MYO18B: variants seen among roughly 807,000 people sequenced by gnomAD.
MYO18B encodes the protein unconventional myosin-XVIIIb.
MYO18B carries 204 observed loss-of-function variants against 273.0 expected under a neutral mutation model. The ratio of observed to expected loss-of-function variants is 0.75; its 90% CI spans 0.67 to 0.84. MYO18B has a LOEUF of 0.84. Ranked by LOEUF, MYO18B falls within the 40% of genes least tolerant of loss-of-function variation. MYO18B has a pLI of 0.00. For synonymous variants in MYO18B, 1,330 were observed against 1,305.7 expected (o/e 1.02, Z -0.40); for missense variants, 3,212 against 3,287.6 (o/e 0.98, Z 0.56).
At chr22:25,856,128 C>T (rs989664958) in intron 21 of MYO18B, among the ~76,000 whole-genome samples, 1 of 152,146 alleles carries the variant, frequency 6.6e-6, no homozygotes, top group Non-Finnish European at 1.5e-5. Flanking sequence ...TTTTTTATAG[C>T]AGCTGTACCA....
chr22:25,862,905 C>T (rs1305121949), intron 21 of MYO18B, among the ~76,000 whole-genome samples: 1 of 150,980 alleles, frequency 6.6e-6, no homozygotes, highest in Non-Finnish European at 1.5e-5. Flanking sequence ...TTTTTAAAAT[C>T]TTTGTCTTTC....
rs182649604 is a variant in MYO18B, at chr22:25,941,511, T to A, written c.5518-4626T>A. Reference sequence around the variant, plus strand: ...TGGCCAGTGTTGCGCCACTGAAGGATCTGATCTCTGTCCTTAACATGACTT... The same window carrying A: ...TGGCCAGTGTTGCGCCACTGAAGGAACTGATCTCTGTCCTTAACATGACTT... On this transcript the variant is annotated intron_variant, in intron 34 of 43. Coordinates refer to ENST00000335473, the MANE Select transcript of MYO18B (RefSeq NM_032608.7). Among the ~76,000 whole-genome samples the A allele has an allele frequency of 5.9e-5, 9 of 152,318 alleles. No individual in the cohort carries two copies. In the East Asian group the frequency reaches 1.5e-3, roughly 26 times the overall value.
At chr22:25,757,461 C>T (rs563872279) in intron 1 of MYO18B, among the ~76,000 whole-genome samples, 2 of 152,088 alleles carry the variant, frequency 1.3e-5, no homozygotes, top group South Asian at 4.2e-4. Flanking sequence ...GTGGCACGTG[C>T]CTGTAGTCCC....
chr22:25,991,121 A>T (rs1439325902), intron 39 of MYO18B, among the ~76,000 whole-genome samples: 2 of 152,198 alleles, frequency 1.3e-5, no homozygotes, highest in African/African-American at 4.8e-5. Context: ...CATCAAAGTG[A>T]CACACTGTGA....
intron 10 of MYO18B, among the ~76,000 whole-genome samples, chr22:25,782,999 C>T (rs1011575256): frequency 1.2e-4 from 18 of 152,210 alleles, no homozygotes; most frequent in Admixed American, 1.1e-3. Context: ...GACTTCACCT[C>T]TCTGAGCCTG....
At chr22:25,812,575 G>A (rs1265014006) in intron 12 of MYO18B, among the ~76,000 whole-genome samples, 1 of 152,190 alleles carries the variant, frequency 6.6e-6, no homozygotes, top group Admixed American at 6.5e-5. Context: ...CAGGAGAAGC[G>A]GGAGAGCTGC....
rs575571833 is a variant in MYO18B at position 25,892,832 on chromosome 22, G to A, written c.4543+1420G>A. 5.2e-4 allele frequency among the ~76,000 whole-genome samples: 79 copies of A among 152,316 alleles called. No individual in the cohort carries two copies. In the South Asian group the frequency reaches 0.016, roughly 31 times the overall value. On this transcript the variant is annotated intron_variant, in intron 27 of 43. Coordinates refer to ENST00000335473, the MANE Select transcript of MYO18B (RefSeq NM_032608.7). ...TGTTGGTATAAAATCAGTAGTGTGG[G>A]ACAGTCTCTGGCCTTGGAGGTAATT... is the stretch of plus-strand genomic sequence containing the variant.
chr22:25,962,927 G>T (rs868421605), intron 39 of MYO18B, among the ~76,000 whole-genome samples: 1 of 152,074 alleles, frequency 6.6e-6, no homozygotes, highest in African/African-American at 2.4e-5. Context: ...CAGTTACAGG[G>T]ATATAAACAC....
Position 25,895,099 on chromosome 22 carries a change from C to T in MYO18B, c.4544-57C>T. On this transcript the variant is annotated intron_variant, in intron 27 of 43. Coordinates refer to ENST00000335473, the MANE Select transcript of MYO18B (RefSeq NM_032608.7). ...AGAAAGTGGAGGAGAGCCACTCACA[C>T]TCTTGCCTTACACTCATTTGGCCTC... The T allele has an allele frequency of 3.2e-6, 5 of 1,579,362 alleles. No homozygotes were observed. In the East Asian group the frequency reaches 6.8e-5, roughly 22 times the overall value.
chr22:25,866,023 G>A (rs1409688264), intron 21 of MYO18B, among the ~76,000 whole-genome samples: 1 of 152,108 alleles, frequency 6.6e-6, no homozygotes, highest in Non-Finnish European at 1.5e-5. Context: ...CAGGAGGTTG[G>A]AAGATGGAGC....
rs549081496 is a variant in MYO18B, at chr22:26,013,327, G to A, written c.6470+8472G>A. 7.9e-5 allele frequency among the ~76,000 whole-genome samples: 12 copies of A among 152,244 alleles called. No homozygotes were observed. The South Asian group carries it at 2.3e-3, about 29-fold the overall frequency. Reference sequence around the variant, plus strand: ...GCTGCCAAATGTCTTACAATGCACAGGACAGGCCACATAGAATTATCGGGT... The same window carrying A: ...GCTGCCAAATGTCTTACAATGCACAAGACAGGCCACATAGAATTATCGGGT... On this transcript the variant is annotated intron_variant, in intron 42 of 43. Transcript: ENST00000335473.
chr22:25,768,943 A>G lies in MYO18B; in HGVS notation c.1027A>G (p.Ser343Gly). ...GAAGGACAAAGAAGGGGTGCTCTTA[A>G]GTAAGGCAGAGAAGACAGGTGAGCC... The part of the protein sequence containing the change: ...NKKDKEGVLL[S>G]KAEKTGEPQT... Residue 343 changes from serine to glycine, a missense_variant, in exon 4 of 44, where the codon AGT becomes GGT. Ser to Gly is a moderately conservative substitution (Grantham distance 56). Transcript: ENST00000335473. 12 of 1,612,106 alleles carry G rather than the reference A, an allele frequency of 7.4e-6. No homozygotes were observed. Among genetic ancestry groups the G allele is most frequent in the Non-Finnish European group, 1.0e-5 (12 of 1,179,094 alleles).
the MYO18B span, among the ~76,000 whole-genome samples, chr22:26,043,385 T>C: frequency 1.8e-4 from 28 of 152,348 alleles, no homozygotes; most frequent in South Asian, 2.3e-3. Context: ...AGGCTTTTTA[T>C]GGACATTCGT....
chr22:25,780,226 G>C (rs1287930635), intron 9 of MYO18B, 28 bp downstream of exon 9: 5 of 1,583,902 alleles, frequency 3.2e-6, no homozygotes, highest in Non-Finnish European at 4.3e-6. Context: ...ATGTGCAAGG[G>C]GGCCCTTGGG....
intron 11 of MYO18B, among the ~76,000 whole-genome samples, chr22:25,790,664 A>G (rs757293188): frequency 3.9e-5 from 6 of 152,240 alleles, no homozygotes; most frequent in Non-Finnish European, 8.8e-5. Context: ...ACTCACCACC[A>G]CTTAACTAAA....
chr22:25,940,598 C>T (rs2146550764), intron 34 of MYO18B, among the ~76,000 whole-genome samples: 1 of 152,324 alleles, frequency 6.6e-6, no homozygotes, highest in East Asian at 1.9e-4. Context: ...GGGTCTGCTC[C>T]TAACCACCAC....
intron 12 of MYO18B, among the ~76,000 whole-genome samples, chr22:25,822,710 C>T (rs5761258): frequency 0.058 from 8,865 of 152,268 alleles, 586 homozygotes; most frequent in East Asian, 0.2. Context: ...GGCAGACTTG[C>T]GTCTTAAGAG....
intron 12 of MYO18B, among the ~76,000 whole-genome samples, chr22:25,812,499 G>C (rs1369068685): frequency 6.6e-6 from 1 of 152,194 alleles, no homozygotes; most frequent in Non-Finnish European, 1.5e-5. Context: ...CTGGGACCCA[G>C]CTGGCTGGGA....
At chr22:25,834,096 G>T (rs1240304319) in intron 16 of MYO18B, among the ~76,000 whole-genome samples, 5 of 152,102 alleles carry the variant, frequency 3.3e-5, no homozygotes, top group African/African-American at 1.2e-4. Context: ...TGGGAAGGGC[G>T]GGGTAGTCTC....
Sources: allele counts gnomAD v4.1 joint callset (sites outside exome capture counted in the v4.1 genomes callset), GRCh38; gene constraint gnomAD v4.1.1; transcripts MANE v1.5; gene names NCBI Gene and HGNC (gene_info 2026-07-23, HGNC 2026-07-21).